The following OR9Q1 variants were observed in gnomAD, a reference collection of about 807,000 sequenced individuals.
OR9Q1 encodes olfactory receptor family 9 subfamily Q member 1, also known as olfactory receptor 9Q1.
For synonymous variants in OR9Q1, 153 were observed against 148.6 expected (o/e 1.03, Z -0.22); for missense variants, 374 against 378.8 (o/e 0.99, Z 0.11).
intron 1 of OR9Q1, among the ~76,000 whole-genome samples, chr11:58,046,562 C>A (rs1853218520): frequency 6.6e-6 from 1 of 152,138 alleles, no homozygotes; most frequent in Non-Finnish European, 1.5e-5. Flanking sequence ...TGTAACTGCA[C>A]TTAAATTAGA....
chr11:58,130,593 ACCAG>A (rs897001104), intron 2 of OR9Q1, among the ~76,000 whole-genome samples: 5 of 152,102 alleles, frequency 3.3e-5, no homozygotes, highest in Non-Finnish European at 2.9e-5. Flanking sequence ...GGAGTTCGAG[ACCAG>A]CCTGGCCTAC....
intron 1 of OR9Q1, chr11:58,040,715 TC>T (rs1289243140): frequency 6.6e-6 from 1 of 152,302 alleles, no homozygotes; most frequent in African/African-American, 2.4e-5. Context: ...AGGCTCGTCC[TC>T]CTGGTGGGGA....
chr11:58,088,098 C>A (rs1853650663), intron 2 of OR9Q1, among the ~76,000 whole-genome samples: 1 of 151,864 alleles, frequency 6.6e-6, no homozygotes, highest in African/African-American at 2.4e-5. Context: ...GCCTTGGCCT[C>A]CCAAAGTGCT....
intron 2 of OR9Q1, among the ~76,000 whole-genome samples, chr11:58,113,145 A>G (rs1161847585): frequency 6.6e-6 from 1 of 152,174 alleles, no homozygotes; most frequent in African/African-American, 2.4e-5. Context: ...CAGAATTCTT[A>G]TAAACAATGA....
intron 2 of OR9Q1, among the ~76,000 whole-genome samples, chr11:58,087,716 GC>G (rs897032483): frequency 3.4e-5 from 5 of 147,286 alleles, no homozygotes; most frequent in African/African-American, 1.3e-4. Flanking sequence ...CCCTCCCCTT[GC>G]CCCCCACCCC....
chr11:58,173,700 C>T (rs1299490238), intron 2 of OR9Q1, among the ~76,000 whole-genome samples: 1 of 152,108 alleles, frequency 6.6e-6, no homozygotes, highest in Non-Finnish European at 1.5e-5. Context: ...TTTTCTATCC[C>T]AGGTTGGGAG....
intron 2 of OR9Q1, among the ~76,000 whole-genome samples, chr11:58,056,867 G>A (rs1377105823): frequency 6.6e-6 from 1 of 152,052 alleles, no homozygotes; most frequent in East Asian, 1.9e-4. Flanking sequence ...GCCTGAAGAA[G>A]TGTTCCATCA....
At chr11:58,140,756 A>G (rs544614208) in intron 2 of OR9Q1, among the ~76,000 whole-genome samples, 2 of 152,088 alleles carry the variant, frequency 1.3e-5, no homozygotes, top group Non-Finnish European at 2.9e-5. Context: ...CTTAGGATTG[A>G]CTTGGCAATG....
At chr11:58,072,147 A>C (rs970219580) in intron 2 of OR9Q1, among the ~76,000 whole-genome samples, 2 of 152,226 alleles carry the variant, frequency 1.3e-5, no homozygotes, top group Non-Finnish European at 2.9e-5. Context: ...CTTAAAGTAC[A>C]AATATTTATT....
At chr11:58,042,338 G>A (rs1590551127) in intron 1 of OR9Q1, among the ~76,000 whole-genome samples, 5 of 151,920 alleles carry the variant, frequency 3.3e-5, no homozygotes, top group Admixed American at 3.3e-4. Flanking sequence ...TGTAAGGAAG[G>A]GATCCAGGTT....
At chr11:58,127,942 G>T (rs1435889925) in intron 2 of OR9Q1, among the ~76,000 whole-genome samples, 1 of 152,006 alleles carries the variant, frequency 6.6e-6, no homozygotes, top group Non-Finnish European at 1.5e-5. Context: ...AGTGTTTTTG[G>T]TTACATCAAC....
chr11:58,048,496 CAAAAA>C (rs11335783), intron 1 of OR9Q1, among the ~76,000 whole-genome samples: 1 of 123,470 alleles, frequency 8.1e-6, no homozygotes, highest in Non-Finnish European at 1.7e-5. Context: ...ACTAAAAATA[CAAAAA>C]AAAAAAAAAA....
chr11:58,090,190 A>G (rs1335239906), intron 2 of OR9Q1, among the ~76,000 whole-genome samples: 10 of 152,196 alleles, frequency 6.6e-5, no homozygotes, highest in Non-Finnish European at 8.8e-5. Context: ...TATGTTGAAT[A>G]GGAGTGGTGA....
At chr11:58,140,676 G>T (rs1325553779) in intron 2 of OR9Q1, among the ~76,000 whole-genome samples, 10 of 152,126 alleles carry the variant, frequency 6.6e-5, no homozygotes, top group Admixed American at 6.6e-4. Context: ...ACCATGCTGT[G>T]TTGGTTACTG....
chr11:58,086,545 A>T (rs1468289684), intron 2 of OR9Q1, among the ~76,000 whole-genome samples: 1 of 151,928 alleles, frequency 6.6e-6, no homozygotes, highest in African/African-American at 2.4e-5. Flanking sequence ...TCTTAAAAAA[A>T]ATCTACCATC....
intron 2 of OR9Q1, among the ~76,000 whole-genome samples, chr11:58,172,986 T>C (rs527755996): frequency 4.8e-4 from 73 of 152,242 alleles, no homozygotes; most frequent in Middle Eastern, 3.4e-3. Context: ...CCAAAAATTA[T>C]AATGATTTCT....
chr11:58,127,139 G>A (rs764548103), intron 2 of OR9Q1, among the ~76,000 whole-genome samples: 11 of 152,134 alleles, frequency 7.2e-5, no homozygotes, highest in African/African-American at 1.4e-4. Flanking sequence ...TAGTAGAGAC[G>A]GAGTTTCACC....
At chr11:58,145,568 A>G (rs949017281) in intron 2 of OR9Q1, among the ~76,000 whole-genome samples, 7 of 152,118 alleles carry the variant, frequency 4.6e-5, no homozygotes, top group African/African-American at 1.4e-4. Context: ...TACTTTCTTT[A>G]TTGGCTTTAT....
At chr11:58,076,287 C>G (rs1307986717) in intron 2 of OR9Q1, among the ~76,000 whole-genome samples, 1 of 152,204 alleles carries the variant, frequency 6.6e-6, no homozygotes, top group East Asian at 1.9e-4. Flanking sequence ...TGCTCATGGT[C>G]TTTCATGACT....
Sources: allele counts gnomAD v4.1 joint callset (sites outside exome capture counted in the v4.1 genomes callset), GRCh38; gene constraint gnomAD v4.1.1; transcripts MANE v1.5; gene names NCBI Gene and HGNC (gene_info 2026-07-23, HGNC 2026-07-21).